ARHGAP44: variants seen among roughly 807,000 people sequenced by gnomAD.
ARHGAP44 encodes Rho GTPase activating protein 44.
A neutral mutation model predicts 106.8 loss-of-function variants in ARHGAP44; 43 were observed. The ratio of observed to expected loss-of-function variants is 0.40; its 90% CI spans 0.32 to 0.52. The LOEUF (loss-of-function observed/expected upper bound fraction) is 0.52, where lower values mean the gene tolerates loss of function less well. ARHGAP44 is among the 20% of genes least tolerant of loss of function. The probability of loss-of-function intolerance (pLI) is 0.48; values close to 1 mark genes in which losing one functional copy is unlikely to be tolerated. For synonymous variants in ARHGAP44, 439 were observed against 410.3 expected (o/e 1.07, Z -0.85); for missense variants, 866 against 1,050.5 (o/e 0.82, Z 2.43).
intron 1 of ARHGAP44, among the ~76,000 whole-genome samples, chr17:12,882,721 G>A (rs1300662739): frequency 6.6e-6 from 1 of 152,072 alleles, no homozygotes; most frequent in African/African-American, 2.4e-5. Flanking sequence ...ATTTGTGCAT[G>A]TGATGAATTA....
intron 8 of ARHGAP44, among the ~76,000 whole-genome samples, chr17:12,942,380 C>T (rs1378513867): frequency 2.6e-5 from 4 of 152,184 alleles, no homozygotes; most frequent in Non-Finnish European, 4.4e-5. Flanking sequence ...CTCCTGACCT[C>T]GTGAGCTACC....
In ARHGAP44 at chr17:12,958,711, C is replaced by T. The variant is rs1167040625; in HGVS notation, c.1343-6C>T. 1 of 1,613,498 alleles carries T rather than the reference C, an allele frequency of 6.2e-7. No homozygotes were observed. Among genetic ancestry groups the T allele is most frequent in the Admixed American group, 1.7e-5 (1 of 59,990 alleles). ...TTCACATGTACCAATTCTTTCTTCC[C>T]CGCAGAGATAGAGTTCAACATTACT... On this transcript the variant is annotated splice_polypyrimidine_tract_variant and splice_region_variant and intron_variant, in intron 15 of 20. Transcript: ENST00000379672. The surrounding 1 kb of genome is among the most constrained non-coding windows in gnomAD (Gnocchi z 4.1).
rs1334275697 is a variant in ARHGAP44, at chr17:12,896,397, C to G, written c.94-10C>G. 4.4e-6 allele frequency: 7 copies of G among 1,585,632 alleles called. No homozygotes were observed. Among genetic ancestry groups the G allele is most frequent in the Non-Finnish European group, 6.0e-6 (7 of 1,166,186 alleles). ...TCTCTCAGTGGCACCACCCGCTCTT[C>G]TCTCTGCAGGTGGAGAAGCGTCTGG... On this transcript the variant is annotated splice_polypyrimidine_tract_variant and intron_variant, in intron 2 of 20. Transcript: ENST00000379672.
At chr17:12,863,837 G>GAAC (rs1230703779) in intron 1 of ARHGAP44, among the ~76,000 whole-genome samples, 5 of 152,214 alleles carry the variant, frequency 3.3e-5, no homozygotes, top group Non-Finnish European at 7.3e-5. Context: ...AGGGCTCAGA[G>GAAC]AACAACCCAT....
At chr17:12,870,066 T>TTTTTAG (rs1555549506) in intron 1 of ARHGAP44, among the ~76,000 whole-genome samples, 2 of 143,972 alleles carry the variant, frequency 1.4e-5, no homozygotes, top group South Asian at 2.2e-4. Context: ...TTTTTTTTTT[T>TTTTTAG]GAGATAGAGT....
At chr17:12,855,859 G>A (rs918959401) in intron 1 of ARHGAP44, among the ~76,000 whole-genome samples, 2 of 152,224 alleles carry the variant, frequency 1.3e-5, no homozygotes, top group East Asian at 3.8e-4. Flanking sequence ...CAGAGACAGT[G>A]TGGATATAAG....
intron 10 of ARHGAP44, among the ~76,000 whole-genome samples, chr17:12,946,448 C>T (rs1321713472): frequency 6.7e-6 from 1 of 149,698 alleles, no homozygotes; most frequent in East Asian, 2.0e-4. Flanking sequence ...GAGTTCAAGA[C>T]CAGCCTGGGC....
chr17:12,795,706 AAAT>A (rs1413141207), intron 1 of ARHGAP44, among the ~76,000 whole-genome samples: 1 of 152,142 alleles, frequency 6.6e-6, no homozygotes, highest in African/African-American at 2.4e-5. Context: ...TAAAGACAGC[AAAT>A]AATAAAATTA....
chr17:12,842,674 A>G (rs184486341), intron 1 of ARHGAP44, among the ~76,000 whole-genome samples: 124 of 152,320 alleles, frequency 8.1e-4, no homozygotes, highest in Middle Eastern at 3.4e-3. Flanking sequence ...TTTGAGAACA[A>G]CTTGCCTAGC....
intron 1 of ARHGAP44, among the ~76,000 whole-genome samples, chr17:12,885,819 T>C (rs962461007): frequency 2.0e-5 from 3 of 152,182 alleles, no homozygotes; most frequent in African/African-American, 7.2e-5. Flanking sequence ...CTTTTCATCT[T>C]TTAACAGTGT....
At chr17:12,880,074 A>G (rs2036680403) in intron 1 of ARHGAP44, among the ~76,000 whole-genome samples, 3 of 152,146 alleles carry the variant, frequency 2.0e-5, no homozygotes, top group African/African-American at 7.2e-5. Context: ...TGTTGTGTGC[A>G]CATATATATA....
At chr17:12,979,513 G>A (rs1047763084) in intron 18 of ARHGAP44, among the ~76,000 whole-genome samples, 1 of 152,104 alleles carries the variant, frequency 6.6e-6, no homozygotes, top group African/African-American at 2.4e-5. Context: ...GCTGGAATGG[G>A]TATTGAGTTT....
chr17:12,868,569 TAAAAAGTC>T (rs1442071032), intron 1 of ARHGAP44, among the ~76,000 whole-genome samples: 3 of 122,822 alleles, frequency 2.4e-5, no homozygotes, highest in African/African-American at 1.1e-4. Flanking sequence ...AAAAGTCATT[TAAAAAGTC>T]ATATATATGC....
intron 6 of ARHGAP44, among the ~76,000 whole-genome samples, chr17:12,920,929 T>A (rs1314429184): frequency 6.6e-6 from 1 of 152,176 alleles, no homozygotes; most frequent in African/African-American, 2.4e-5. Flanking sequence ...TGTGCACATA[T>A]GTCCTTTTAT....
At chr17:12,806,995 G>A (rs991820198) in intron 1 of ARHGAP44, among the ~76,000 whole-genome samples, 4 of 152,186 alleles carry the variant, frequency 2.6e-5, no homozygotes, top group African/African-American at 9.7e-5. Flanking sequence ...GCTTGGTAAA[G>A]TAGTCTCTAG....
chr17:12,863,562 T>C (rs558584000), intron 1 of ARHGAP44, among the ~76,000 whole-genome samples: 63 of 152,306 alleles, frequency 4.1e-4, no homozygotes, highest in African/African-American at 1.4e-3. Flanking sequence ...CTAGAATCTT[T>C]TTAAACCCAT....
chr17:12,958,709 C>A lies in ARHGAP44; in HGVS notation c.1343-8C>A. ...AGTTCACATGTACCAATTCTTTCTT[C>A]CCCGCAGAGATAGAGTTCAACATTA... On this transcript the variant is annotated splice_polypyrimidine_tract_variant and splice_region_variant and intron_variant, in intron 15 of 20. Coordinates refer to ENST00000379672, the MANE Select transcript of ARHGAP44 (RefSeq NM_014859.6). The surrounding 1 kb of genome is among the most constrained non-coding windows in gnomAD (Gnocchi z 4.1). 6.2e-7 allele frequency: 1 copy of A among 1,613,416 alleles called. No individual in the cohort carries two copies. The highest frequency in any genetic ancestry group is 8.5e-7 in the Non-Finnish European group (1 of 1,179,582).
intron 20 of ARHGAP44, chr17:12,987,311 T>C: frequency 1.7e-6 from 1 of 591,206 alleles, no homozygotes; most frequent in Non-Finnish European, 2.8e-6. Flanking sequence ...AGTTGATCCA[T>C]GAGCTTATTT....
At chr17:12,870,366 A>C (rs1387271754) in intron 1 of ARHGAP44, among the ~76,000 whole-genome samples, 1 of 152,106 alleles carries the variant, frequency 6.6e-6, no homozygotes, top group Non-Finnish European at 1.5e-5. Context: ...ACTTTGAGGA[A>C]GGTTTTCTAC....
Sources: gnomAD v4.1 joint callset for allele counts (sites outside exome capture counted in the v4.1 genomes callset) on GRCh38, gnomAD v4.1.1 for gene constraint, Gnocchi (gnomAD v3.1) non-coding constraint, MANE v1.5 for transcripts, NCBI Gene and HGNC (gene_info 2026-07-23, HGNC 2026-07-21) for gene names.